The following PALLD variants were observed in gnomAD, a reference collection of about 807,000 sequenced individuals.
PALLD encodes palladin.
In PALLD, 61 loss-of-function variants were observed where a neutral mutation model predicts 123.5. The ratio of observed to expected loss-of-function variants is 0.49; its 90% CI spans 0.40 to 0.61. PALLD has a LOEUF of 0.61. Ranked by LOEUF, PALLD falls within the 20% of genes least tolerant of loss-of-function variation. The pLI is 0.00. For missense variants in PALLD, 1,273 were observed against 1,377.0 expected (o/e 0.92, Z 1.20); for synonymous variants, 465 against 496.4 (o/e 0.94, Z 0.84).
intron 2 of PALLD, among the ~76,000 whole-genome samples, chr4:168,554,850 T>G (rs190778585): frequency 6.6e-4 from 101 of 152,260 alleles, no homozygotes; most frequent in Middle Eastern, 3.4e-3. Flanking sequence ...GAAAAACCTA[T>G]CATATTTATA....
At chr4:168,780,200 C>T (rs1476785283) in intron 10 of PALLD, among the ~76,000 whole-genome samples, 1 of 152,138 alleles carries the variant, frequency 6.6e-6, no homozygotes, top group African/African-American at 2.4e-5. Context: ...CACCTGGTCT[C>T]ACTACGTTAC....
At chr4:168,572,576 A>G (rs752983630) in intron 2 of PALLD, among the ~76,000 whole-genome samples, 1 of 151,958 alleles carries the variant, frequency 6.6e-6, no homozygotes, top group Admixed American at 6.6e-5. Context: ...TCCAAACCGA[A>G]CACTTGATTT....
In PALLD at chr4:168,749,243, G is replaced by C. The variant is rs556147048; in HGVS notation, c.1964+37320G>C. On this transcript the variant is annotated intron_variant, in intron 10 of 21. Transcript: ENST00000505667. ...TTCCTGAGGTCTCCTCAGAAGCTGA[G>C]CAGATGCTGGTGCCATGCCTGTACA... Among the ~76,000 whole-genome samples, 21 of 152,256 alleles carry C rather than the reference G, an allele frequency of 1.4e-4. No homozygotes were observed. In the South Asian group the frequency reaches 3.9e-3, roughly 29 times the overall value.
chr4:168,635,685 A>G (rs566318902), intron 2 of PALLD, among the ~76,000 whole-genome samples: 12 of 152,180 alleles, frequency 7.9e-5, no homozygotes, highest in South Asian at 4.1e-4. Context: ...GCAGCCATCA[A>G]CCCAGGGTCT....
At chr4:168,547,570 A>G (rs1329266907) in intron 2 of PALLD, among the ~76,000 whole-genome samples, 2 of 143,098 alleles carry the variant, frequency 1.4e-5, no homozygotes, top group Non-Finnish European at 3.0e-5. Flanking sequence ...AAAATACAAA[A>G]AAAAAAAAAA....
At chr4:168,806,311 A>C (rs1740186592) in intron 10 of PALLD, among the ~76,000 whole-genome samples, 1 of 152,030 alleles carries the variant, frequency 6.6e-6, no homozygotes, top group Admixed American at 6.6e-5. Context: ...TGATCTGCCC[A>C]CCTCCGTCTC....
At chr4:168,574,100 T>C (rs1271054817) in intron 2 of PALLD, among the ~76,000 whole-genome samples, 2 of 151,962 alleles carry the variant, frequency 1.3e-5, no homozygotes, top group African/African-American at 4.8e-5. Context: ...CTGGAGATAA[T>C]AAAAAGGGCA....
At chr4:168,877,925 A>G in intron 10 of PALLD, 2 of 1,488,264 alleles carry the variant, frequency 1.3e-6, no homozygotes, top group Non-Finnish European at 1.8e-6. Context: ...CGCCCCCGCC[A>G]TGCAGTCCTC....
chr4:168,681,511 CAG>C (rs1365725998), intron 4 of PALLD, 113 bp downstream of exon 4: 10 of 655,858 alleles, frequency 1.5e-5, no homozygotes, highest in Non-Finnish European at 2.8e-5. Context: ...TGATGTTAAT[CAG>C]AGATCAAATA....
intron 10 of PALLD, among the ~76,000 whole-genome samples, chr4:168,855,670 A>G (rs1748505162): frequency 6.6e-6 from 1 of 152,172 alleles, no homozygotes. Context: ...CTAGAGTTCT[A>G]TATAGTTCAG....
intron 10 of PALLD, among the ~76,000 whole-genome samples, chr4:168,712,803 T>G (rs1390656091): frequency 6.6e-6 from 1 of 152,204 alleles, no homozygotes; most frequent in Non-Finnish European, 1.5e-5. Context: ...CCATATCTGA[T>G]GTTTTTGATT....
intron 10 of PALLD, chr4:168,885,366 G>A (rs191448281): frequency 2.0e-5 from 3 of 152,242 alleles, no homozygotes. Context: ...TGCTTGCTTT[G>A]GCAGTGTGAA....
At chr4:168,642,787 C>G (rs1190343509) in intron 2 of PALLD, among the ~76,000 whole-genome samples, 1 of 152,234 alleles carries the variant, frequency 6.6e-6, no homozygotes, top group East Asian at 1.9e-4. Context: ...CATGCAATAA[C>G]ATATGCTGGC....
intron 10 of PALLD, among the ~76,000 whole-genome samples, chr4:168,810,724 C>T (rs1296361081): frequency 6.6e-6 from 1 of 150,402 alleles, no homozygotes; most frequent in Non-Finnish European, 1.5e-5. Flanking sequence ...AGGAGAATGG[C>T]GTGAACCCGG....
chr4:168,541,379 CAT>C (rs1434032111), intron 2 of PALLD, among the ~76,000 whole-genome samples: 1 of 152,132 alleles, frequency 6.6e-6, no homozygotes, highest in Non-Finnish European at 1.5e-5. Flanking sequence ...TTAGTTGTGA[CAT>C]ATTTTATTGT....
At chr4:168,759,039 C>A (rs1014579557) in intron 10 of PALLD, among the ~76,000 whole-genome samples, 4 of 150,834 alleles carry the variant, frequency 2.7e-5, no homozygotes, top group Non-Finnish European at 5.9e-5. Flanking sequence ...ATTAGCCAGG[C>A]GTGATAGCAG....
intron 2 of PALLD, among the ~76,000 whole-genome samples, chr4:168,559,385 T>A (rs138569606): frequency 7.0e-6 from 1 of 143,494 alleles, no homozygotes; most frequent in African/African-American, 2.6e-5. Flanking sequence ...CCAACCCTTC[T>A]GATAAATGAT....
At chr4:168,658,952 A>G (rs987955011) in intron 2 of PALLD, among the ~76,000 whole-genome samples, 6 of 152,262 alleles carry the variant, frequency 3.9e-5, no homozygotes, top group Non-Finnish European at 8.8e-5. Flanking sequence ...TCATGAAATT[A>G]TAGCCATAGT....
intron 2 of PALLD, among the ~76,000 whole-genome samples, chr4:168,555,882 AAG>A (rs1200226503): frequency 2.0e-5 from 3 of 152,182 alleles, no homozygotes; most frequent in Non-Finnish European, 4.4e-5. Flanking sequence ...TCCAGTCAAA[AAG>A]AGGGATCGAT....
Sources: gnomAD v4.1 joint callset for allele counts (sites outside exome capture counted in the v4.1 genomes callset) on GRCh38, gnomAD v4.1.1 for gene constraint, MANE v1.5 for transcripts, NCBI Gene and HGNC (gene_info 2026-07-23, HGNC 2026-07-21) for gene names.